Variants in INSL6 observed in about 807,000 individuals in gnomAD.
INSL6 encodes the protein insulin-like peptide INSL6.
In INSL6, 16 loss-of-function variants were observed where a neutral mutation model predicts 9.4. The observed-to-expected ratio is 1.70, with a 90% CI of 1.15 to 2.59. The LOEUF (loss-of-function observed/expected upper bound fraction) is 2.59. Among genes scored for constraint, INSL6 ranks in the 30% most tolerant of loss-of-function variants. The pLI is 0.00. For synonymous variants in INSL6, 154 were observed against 96.9 expected (o/e 1.59, Z -3.46); for missense variants, 391 against 257.3 (o/e 1.52, Z -3.56).
chr9:5,066,552 A>G, the INSL6 span: 1 of 601,750 alleles, frequency 1.7e-6, no homozygotes, highest in African/African-American at 1.9e-5. Context: ...ATTATTGCTA[A>G]ACATATAAAG....
the INSL6 span, among the ~76,000 whole-genome samples, chr9:5,088,668 C>T: frequency 1.3e-5 from 2 of 152,150 alleles, no homozygotes; most frequent in East Asian, 1.9e-4. Context: ...CTTTGAATTC[C>T]AGGGCCTGGA....
intron 1 of INSL6, among the ~76,000 whole-genome samples, chr9:5,170,912 C>A (rs895376977): frequency 3.9e-5 from 6 of 152,138 alleles, no homozygotes; most frequent in African/African-American, 1.2e-4. Context: ...ACCAAAAGTA[C>A]AAAGAGGAGC....
the INSL6 span, among the ~76,000 whole-genome samples, chr9:5,010,398 G>A: frequency 6.6e-6 from 1 of 151,484 alleles, no homozygotes; most frequent in African/African-American, 2.4e-5. Context: ...GACCTCCGTT[G>A]CAACCTCTGC....
At chr9:5,159,961 G>C (rs1265413516), downstream of INSL6, among the ~76,000 whole-genome samples, 2 of 152,142 alleles carry the variant, frequency 1.3e-5, no homozygotes, top group Non-Finnish European at 2.9e-5. Flanking sequence ...GATCACCTGA[G>C]GTCAGGAGTT....
intron 2 of INSL6, among the ~76,000 whole-genome samples, chr9:5,143,616 T>C (rs1252672730): frequency 6.6e-6 from 1 of 152,142 alleles, no homozygotes; most frequent in Non-Finnish European, 1.5e-5. Flanking sequence ...CTATCTATTT[T>C]ATTAGTTTTT....
the INSL6 span, among the ~76,000 whole-genome samples, chr9:5,059,924 A>G: frequency 6.6e-6 from 1 of 152,130 alleles, no homozygotes; most frequent in African/African-American, 2.4e-5. Context: ...TAGAGTCTCT[A>G]TAGATTCTAA....
chr9:5,072,934 C>T, the INSL6 span, among the ~76,000 whole-genome samples: 1 of 151,822 alleles, frequency 6.6e-6, no homozygotes, highest in South Asian at 2.1e-4. Flanking sequence ...ACAGAGGCTC[C>T]TCTACAATTA....
At chr9:5,050,863 G>C in the INSL6 span, 2 of 1,558,038 alleles carry the variant, frequency 1.3e-6, no homozygotes, top group Admixed American at 3.5e-5. Context: ...TTACACATAA[G>C]TGTGAGTAGA....
chr9:5,032,612 T>A, the INSL6 span, among the ~76,000 whole-genome samples: 2 of 152,222 alleles, frequency 1.3e-5, no homozygotes, highest in African/African-American at 4.8e-5. Context: ...CTGCAGCCAC[T>A]GCTGCTGGTA....
the INSL6 span, among the ~76,000 whole-genome samples, chr9:5,081,455 A>T: frequency 6.6e-6 from 1 of 152,150 alleles, no homozygotes; most frequent in East Asian, 1.9e-4. Context: ...TTCTCACAAT[A>T]AGTATCAGTA....
At chr9:5,041,895 T>C in the INSL6 span, 1 of 415,948 alleles carries the variant, frequency 2.4e-6, no homozygotes, top group East Asian at 6.4e-5. Context: ...TCAGGGCGCC[T>C]GCAGAGATGG....
chr9:5,116,142 A>G, the INSL6 span, among the ~76,000 whole-genome samples: 1 of 152,194 alleles, frequency 6.6e-6, no homozygotes, highest in African/African-American at 2.4e-5. Flanking sequence ...TTTAATCCTC[A>G]TAACAACCCT....
At chr9:5,055,686 C>T in the INSL6 span, 5 of 1,576,032 alleles carry the variant, frequency 3.2e-6, no homozygotes, top group African/African-American at 1.4e-5. Context: ...AGTTATATTG[C>T]GATTTTCCTA....
At chr9:5,082,634 A>G in the INSL6 span, among the ~76,000 whole-genome samples, 1 of 152,246 alleles carries the variant, frequency 6.6e-6, no homozygotes, top group South Asian at 2.1e-4. Context: ...CCACGAGGCC[A>G]TATTTCAGAC....
the INSL6 span, among the ~76,000 whole-genome samples, chr9:5,042,372 C>T: frequency 1.5e-3 from 232 of 152,022 alleles, no homozygotes; most frequent in Non-Finnish European, 2.7e-3. Flanking sequence ...CTCCTGACCT[C>T]ATGATCCACC....
At chr9:5,038,076 G>C in the INSL6 span, among the ~76,000 whole-genome samples, 1 of 152,116 alleles carries the variant, frequency 6.6e-6, no homozygotes. Flanking sequence ...TAGTGATGCT[G>C]AGAATTTTTT....
the INSL6 span, chr9:5,100,794 T>A: frequency 2.6e-5 from 4 of 152,376 alleles, no homozygotes; most frequent in Non-Finnish European, 5.9e-5. Context: ...CCCCTTTTAC[T>A]ATCTCTGATG....
chr9:5,022,038 T>C, the INSL6 span: 4 of 1,614,204 alleles, frequency 2.5e-6, no homozygotes, highest in Non-Finnish European at 3.4e-6. Flanking sequence ...CATCCACCTC[T>C]TCTATATATC....
chr9:5,182,992 T>G (rs145488037), intron 1 of INSL6, among the ~76,000 whole-genome samples: 2 of 152,186 alleles, frequency 1.3e-5, no homozygotes, highest in African/African-American at 4.8e-5. Context: ...CAGACTCAAG[T>G]AGATCATCAG....
Sources: gnomAD v4.1 joint callset for allele counts (sites outside exome capture counted in the v4.1 genomes callset) on GRCh38, gnomAD v4.1.1 for gene constraint, MANE v1.5 for transcripts, NCBI Gene and HGNC (gene_info 2026-07-23, HGNC 2026-07-21) for gene names.